Variants in PCCA observed in about 807,000 individuals in gnomAD.
PCCA encodes propionyl-CoA carboxylase alpha chain, mitochondrial.
Under a neutral mutation model 101.3 loss-of-function variants are expected in PCCA, and 74 were observed. That is an observed-to-expected ratio of 0.73 (90% CI 0.61 to 0.89). The LOEUF (loss-of-function observed/expected upper bound fraction) is 0.89, where lower values mean the gene tolerates loss of function less well. Among genes scored for constraint, PCCA ranks in the 40% least tolerant of loss-of-function variants. The probability of loss-of-function intolerance (pLI) is 0.00; values close to 1 mark genes in which losing one functional copy is unlikely to be tolerated. For synonymous variants in PCCA, 294 were observed against 313.6 expected, an observed-to-expected ratio of 0.94 and a Z score of 0.66; for missense variants, 891 against 907.0, an observed-to-expected ratio of 0.98 and a Z score of 0.23.
chr13:100,205,192 G>A lies in PCCA; in HGVS notation c.469-4140G>A, dbSNP rs190251866. On this transcript the variant is annotated intron_variant, in intron 6 of 23. Transcript: ENST00000376285. Reference sequence around the variant, plus strand: ...AATACCGGGTTAACAGAAGAGTATCGAAGGTTACTAGTGGATAAAATCTGG... The same window carrying A: ...AATACCGGGTTAACAGAAGAGTATCAAAGGTTACTAGTGGATAAAATCTGG... 3.9e-5 allele frequency among the ~76,000 whole-genome samples: 6 copies of A among 152,240 alleles called. No homozygotes were observed. The East Asian group carries it at 9.6e-4, about 24-fold the overall frequency.
intron 20 of PCCA, among the ~76,000 whole-genome samples, chr13:100,428,552 G>A (rs2079331427): frequency 6.6e-6 from 1 of 151,934 alleles, no homozygotes; most frequent in Admixed American, 6.6e-5. Context: ...ATAGTACTTT[G>A]CGATTTTTCC....
chr13:100,482,459 G>A (rs967676093), intron 21 of PCCA, among the ~76,000 whole-genome samples: 10 of 152,228 alleles, frequency 6.6e-5, no homozygotes, highest in African/African-American at 1.9e-4. Flanking sequence ...GATGAGAAGA[G>A]CGCTGTCTTG....
chr13:100,279,764 G>A (rs2063938297), intron 12 of PCCA, among the ~76,000 whole-genome samples: 1 of 152,014 alleles, frequency 6.6e-6, no homozygotes, highest in Non-Finnish European at 1.5e-5. Context: ...ATGAGCCACC[G>A]CGCCTGGCCC....
intron 17 of PCCA, among the ~76,000 whole-genome samples, chr13:100,332,525 C>G (rs2069787212): frequency 1.3e-5 from 2 of 152,014 alleles, no homozygotes; most frequent in Admixed American, 1.3e-4. Flanking sequence ...TACACACACA[C>G]AAATACACAT....
chr13:100,494,632 G>A (rs900050728), intron 21 of PCCA, among the ~76,000 whole-genome samples: 14 of 150,982 alleles, frequency 9.3e-5, no homozygotes, highest in East Asian at 3.9e-4. Context: ...GCGGTGAGCC[G>A]AGATCGCGCT....
chr13:100,172,152 G>T (rs769496211), intron 6 of PCCA, among the ~76,000 whole-genome samples: 3 of 150,084 alleles, frequency 2.0e-5, no homozygotes, highest in Non-Finnish European at 4.4e-5. Flanking sequence ...AGTGAGCTGA[G>T]ATTGCACCAC....
intron 17 of PCCA, among the ~76,000 whole-genome samples, chr13:100,339,451 A>G (rs2390465): frequency 0.73 from 110,396 of 152,054 alleles, 40,477 homozygotes; most frequent in Middle Eastern, 0.81. Flanking sequence ...GAGCTGTCAA[A>G]GGATGTGTTA....
intron 4 of PCCA, among the ~76,000 whole-genome samples, chr13:100,134,472 G>C (rs1014411723): frequency 6.6e-5 from 10 of 152,172 alleles, no homozygotes; most frequent in African/African-American, 2.4e-4. Context: ...ATCTACATCA[G>C]TTTGGGAAGA....
At chr13:100,192,125 T>C (rs2057782927) in intron 6 of PCCA, among the ~76,000 whole-genome samples, 1 of 152,244 alleles carries the variant, frequency 6.6e-6, no homozygotes, top group African/African-American at 2.4e-5. Flanking sequence ...CAGTTGATAA[T>C]TGCAATATTG....
intron 18 of PCCA, among the ~76,000 whole-genome samples, chr13:100,354,118 A>ATAG (rs2073659983): frequency 7.1e-6 from 1 of 141,014 alleles, no homozygotes; most frequent in South Asian, 2.3e-4. Context: ...AATAATAATA[A>ATAG]TAAAATAATT....
intron 21 of PCCA, among the ~76,000 whole-genome samples, chr13:100,502,842 G>T (rs1180287681): frequency 2.0e-5 from 3 of 152,164 alleles, no homozygotes; most frequent in Non-Finnish European, 4.4e-5. Flanking sequence ...CGCTGTTGGG[G>T]TTAATTAGAA....
chr13:100,257,184 A>C, intron 8 of PCCA, among the ~76,000 whole-genome samples: 1 of 152,108 alleles, frequency 6.6e-6, no homozygotes, highest in East Asian at 1.9e-4. Context: ...CCTGAAAATC[A>C]CCATTTTTGA....
chr13:100,273,416 T>C, intron 12 of PCCA, 70 bp downstream of exon 12: 1 of 1,288,790 alleles, frequency 7.8e-7, no homozygotes, highest in Non-Finnish European at 1.1e-6. Context: ...CCCTTTTTTG[T>C]TTTATAAATG....
intron 19 of PCCA, among the ~76,000 whole-genome samples, chr13:100,377,171 C>T (rs973161412): frequency 1.9e-4 from 29 of 152,242 alleles, no homozygotes; most frequent in East Asian, 1.2e-3. Context: ...TGAGATGAGC[C>T]GGGTACCTCA....
Position 100,263,910 on chromosome 13 carries a change from G to GTATGTCATAGATACAGTATCTC in PCCA, c.819+1093_819+1094insAGTATCTCTATGTCATAGATAC, listed in dbSNP as rs2062715297. On this transcript the variant is annotated intron_variant, in intron 10 of 23. Transcript: ENST00000376285. ...TCTGTATGTCATAGATACAGTATCT[G>GTATGTCATAGATACAGTATCTC]TATGTCATAGATACGGTATCTGTAT... 1.5e-4 allele frequency among the ~76,000 whole-genome samples: 22 copies of GTATGTCATAGATACAGTATCTC among 149,842 alleles called. No individual in the cohort carries two copies. In the South Asian group the frequency reaches 4.6e-3, roughly 32 times the overall value.
At chr13:100,323,217 G>C (rs2068257747) in intron 16 of PCCA, among the ~76,000 whole-genome samples, 1 of 152,196 alleles carries the variant, frequency 6.6e-6, no homozygotes, top group Non-Finnish European at 1.5e-5. Context: ...TAGGAGGCTA[G>C]ATTTGGCCTT....
At chr13:100,228,136 C>G (rs946937526) in intron 7 of PCCA, among the ~76,000 whole-genome samples, 1 of 152,104 alleles carries the variant, frequency 6.6e-6, no homozygotes, top group African/African-American at 2.4e-5. Context: ...CTGCCTCAGC[C>G]CCCGGAGTAG....
chr13:100,187,024 G>C (rs2057338921), intron 6 of PCCA, among the ~76,000 whole-genome samples: 1 of 152,150 alleles, frequency 6.6e-6, no homozygotes, highest in South Asian at 2.1e-4. Flanking sequence ...TGTTAGATTA[G>C]ATTTGTAAAA....
chr13:100,447,862 C>T (rs1169774110), intron 20 of PCCA, among the ~76,000 whole-genome samples: 2 of 152,178 alleles, frequency 1.3e-5, no homozygotes, highest in East Asian at 3.8e-4. Flanking sequence ...AACCTCCCTC[C>T]GTCAAGGAAC....
Sources: gnomAD v4.1 joint callset for allele counts (sites outside exome capture counted in the v4.1 genomes callset) on GRCh38, gnomAD v4.1.1 for gene constraint, MANE v1.5 for transcripts, NCBI Gene and HGNC (gene_info 2026-07-23, HGNC 2026-07-21) for gene names.